Variants in TAF13 observed in about 807,000 individuals in gnomAD.
The protein encoded by TAF13 is transcription initiation factor TFIID subunit 13.
In TAF13, 9 loss-of-function variants were observed where a neutral mutation model predicts 18.7. That is an observed-to-expected ratio of 0.48 (90% CI 0.29 to 0.84). TAF13 has a LOEUF of 0.84. TAF13 is among the 40% of genes least tolerant of loss of function. The pLI, the probability that TAF13 is intolerant of heterozygous loss-of-function variation, is 0.08. For synonymous variants in TAF13, 49 were observed against 44.1 expected, an observed-to-expected ratio of 1.11 and a Z score of -0.44; for missense variants, 105 against 146.5, an observed-to-expected ratio of 0.72 and a Z score of 1.46.
In TAF13 at chr1:109,075,017, C is replaced by T; in HGVS notation, c.76G>A (p.Gly26Ser). 6.2e-7 allele frequency: 1 copy of T among 1,609,032 alleles called. No individual in the cohort carries two copies. Among genetic ancestry groups the T allele is most frequent in the Non-Finnish European group, 8.5e-7 (1 of 1,178,580 alleles). The change falls in exon 2 of 4, where the codon GGT becomes AGT. Residue 26 changes from glycine (G) to serine (S), a missense_variant. Transcript: ENST00000338366. Reference sequence around the variant, plus strand: ...TTAGAAAAAAGTCTCTTTCTTTTACCCTGTCCACCTTCTGCACCTCCTCCA... The same window carrying T: ...TTAGAAAAAAGTCTCTTTCTTTTACTCTGTCCACCTTCTGCACCTCCTCCA... ...EIGGGAEGGQ[G>S]KRKRLFSKEL... is the part of the protein sequence containing the mutation.
In TAF13 at chr1:109,064,374, A is replaced by T. The variant is rs1663915326; in HGVS notation, c.*149T>A. 1.5e-6 allele frequency: 1 copy of T among 656,364 alleles called. No homozygotes were observed. Among genetic ancestry groups the T allele is most frequent in the Non-Finnish European group, 2.2e-6 (1 of 447,000 alleles). The allele number at this position is 656,364 out of a possible 1,614,324, so 40.7% of individuals were successfully genotyped here. A position where few individuals can be genotyped will look rare whatever the true frequency, so the allele number is the denominator to read the frequency against. ...CAATTACATGCACCAATATCACCCT[A>T]AAATCAAAGGCATAAAAATAAAGGC... is the stretch of plus-strand genomic sequence containing the variant. On this transcript the variant is annotated 3_prime_UTR_variant, in exon 4 of 4. Coordinates refer to ENST00000338366, the MANE Select transcript of TAF13 (RefSeq NM_005645.4).
At position 109,064,486 on chromosome 1, in the gene TAF13, T is replaced by C; in HGVS notation, c.*37A>G. On this transcript the variant is annotated 3_prime_UTR_variant, in exon 4 of 4. Coordinates refer to ENST00000338366, the MANE Select transcript of TAF13 (RefSeq NM_005645.4). ...AAAATATACAATTATTATATATGGT[T>C]TCCCCAGATGGTAATTTTCGGAAAC... The C allele has an allele frequency of 7.3e-7, 1 of 1,372,146 alleles. No homozygotes were observed. Among genetic ancestry groups the C allele is most frequent in the Non-Finnish European group, 9.5e-7 (1 of 1,050,152 alleles). 85.0% of individuals were successfully genotyped at this position (1,372,146 alleles called of 1,614,324 possible). A position where few individuals can be genotyped will look rare whatever the true frequency, so the allele number is the denominator to read the frequency against.
intron 2 of TAF13, 30 bp from the exon 3 acceptor site, chr1:109,066,262 T>C: frequency 6.5e-7 from 1 of 1,539,126 alleles, no homozygotes; most frequent in Non-Finnish European, 8.8e-7. Context: ...TACTTTTGTT[T>C]ACTTTTACAG....
At chr1:109,065,218 C>T (rs567640051) in intron 3 of TAF13, among the ~76,000 whole-genome samples, 2 of 152,292 alleles carry the variant, frequency 1.3e-5, no homozygotes, top group East Asian at 3.9e-4. Context: ...GAGCCAGACA[C>T]AGTGGCTCAT....
At chr1:109,071,444 A>G (rs1388648491) in intron 2 of TAF13, among the ~76,000 whole-genome samples, 2 of 115,836 alleles carry the variant, frequency 1.7e-5, no homozygotes, top group Non-Finnish European at 3.8e-5. Context: ...CCATCTCAGG[A>G]AAAAAAAAAA....
At chr1:109,066,354 T>C in intron 2 of TAF13, 122 bp from the exon 3 acceptor site, 1 of 736,760 alleles carries the variant, frequency 1.4e-6, no homozygotes, top group South Asian at 2.0e-5. Context: ...CATATTTACA[T>C]CGTATTTGTT....
At chr1:109,069,155 C>G (rs889884980) in intron 2 of TAF13, among the ~76,000 whole-genome samples, 1 of 152,002 alleles carries the variant, frequency 6.6e-6, no homozygotes, top group Non-Finnish European at 1.5e-5. Flanking sequence ...CTGTCAAATG[C>G]TGGAAGTGTT....
rs3217403 is a variant in TAF13, at chr1:109,066,248, CACTT to C, written c.107-20_107-17del. The C allele has an allele frequency of 0.14, 210,627 of 1,559,904 alleles. 14,753 individuals carry two copies. Among genetic ancestry groups the C allele is most frequent in the Middle Eastern group, 0.19 (1,118 of 5,896 alleles). Reference sequence around the variant, plus strand: ...ATACATCGCACTGTAAAAGAACAATCACTTACTTTTGTTTACTTTTACAGATTTA... The same window carrying C: ...ATACATCGCACTGTAAAAGAACAATCACTTTTGTTTACTTTTACAGATTTA... On this transcript the variant is annotated splice_polypyrimidine_tract_variant and intron_variant, in intron 2 of 3. Transcript: ENST00000338366.
chr1:109,074,301 T>C (rs553564919), intron 2 of TAF13, among the ~76,000 whole-genome samples: 51 of 152,332 alleles, frequency 3.3e-4, no homozygotes, highest in Middle Eastern at 3.4e-3. Flanking sequence ...CTCTGAAACA[T>C]GTGCTGTGTC....
At chr1:109,075,615 G>A (rs1664165711) in intron 1 of TAF13, among the ~76,000 whole-genome samples, 1 of 152,248 alleles carries the variant, frequency 6.6e-6, no homozygotes. Context: ...GTACAGTTTT[G>A]TTAACAATTG....
At chr1:109,073,857 C>A (rs562859034) in intron 2 of TAF13, among the ~76,000 whole-genome samples, 1 of 152,040 alleles carries the variant, frequency 6.6e-6, no homozygotes, top group Admixed American at 6.6e-5. Context: ...CACCTCTGCC[C>A]GGCCGCCCCG....
intron 2 of TAF13, among the ~76,000 whole-genome samples, chr1:109,074,137 C>G (rs564638595): frequency 1.4e-4 from 21 of 152,288 alleles, no homozygotes; most frequent in African/African-American, 2.9e-4. Flanking sequence ...GAATAGAAAA[C>G]GGGGAAATGT....
chr1:109,072,413 T>G (rs963831257), intron 2 of TAF13, among the ~76,000 whole-genome samples: 1 of 151,844 alleles, frequency 6.6e-6, no homozygotes, highest in Non-Finnish European at 1.5e-5. Context: ...GGAGAATCAA[T>G]ACATTATAAT....
At chr1:109,068,595 G>T (rs547883822) in intron 2 of TAF13, among the ~76,000 whole-genome samples, 9 of 152,212 alleles carry the variant, frequency 5.9e-5, no homozygotes, top group African/African-American at 2.2e-4. Flanking sequence ...TAATCCTCCT[G>T]CCTTGGCCTC....
intron 2 of TAF13, among the ~76,000 whole-genome samples, chr1:109,068,872 C>T (rs961616374): frequency 3.9e-5 from 6 of 152,092 alleles, no homozygotes; most frequent in Non-Finnish European, 7.4e-5. Context: ...CGTGGTGGCA[C>T]GCACCTGTAA....
chr1:109,072,436 G>C (rs1360079732), intron 2 of TAF13, among the ~76,000 whole-genome samples: 2 of 151,750 alleles, frequency 1.3e-5, no homozygotes, highest in East Asian at 3.9e-4. Context: ...CCATGTTATT[G>C]TTTATTTTAT....
rs1289781950 is a variant in TAF13 at position 109,070,683 on chromosome 1, C to T, written c.106+4304G>A. Among the ~76,000 whole-genome samples, 17 of 151,986 alleles carry T rather than the reference C, an allele frequency of 1.1e-4. 1 individual carries two copies. The highest frequency in any genetic ancestry group is 2.9e-5 in the Non-Finnish European group (2 of 67,982). ...TGCTGGGATTACAGGCATGAGCCAC[C>T]GTACCCAGTCCCCCCCAAATTTTTT... On this transcript the variant is annotated intron_variant, in intron 2 of 3. Transcript: ENST00000338366.
At chr1:109,075,337 A>G (rs1368548131) in intron 1 of TAF13, among the ~76,000 whole-genome samples, 1 of 152,192 alleles carries the variant, frequency 6.6e-6, no homozygotes, top group Non-Finnish European at 1.5e-5. Flanking sequence ...ATTTTTAAAC[A>G]ACTAAGGTGG....
chr1:109,066,020 G>C, intron 3 of TAF13, 115 bp downstream of exon 3: 1 of 772,090 alleles, frequency 1.3e-6, no homozygotes, highest in Non-Finnish European at 2.1e-6. Flanking sequence ...CTGCAAACAA[G>C]CACTCAAATG....
Sources: gnomAD v4.1 joint callset for allele counts (sites outside exome capture counted in the v4.1 genomes callset) on GRCh38, gnomAD v4.1.1 for gene constraint, MANE v1.5 for transcripts, NCBI Gene and HGNC (gene_info 2026-07-23, HGNC 2026-07-21) for gene names.